ELOVL6: variants seen among roughly 807,000 people sequenced by gnomAD.
ELOVL6 encodes the protein ELOVL fatty acid elongase 6.
A neutral mutation model predicts 31.7 loss-of-function variants in ELOVL6; 8 were observed. That is an observed-to-expected ratio of 0.25 (90% CI 0.15 to 0.45). ELOVL6 has a LOEUF of 0.45. Ranked by LOEUF, ELOVL6 falls within the 20% of genes least tolerant of loss-of-function variation. ELOVL6 has a pLI of 1.00. For synonymous variants in ELOVL6, 101 were observed against 117.7 expected, an observed-to-expected ratio of 0.86 and a Z score of 0.92; for missense variants, 126 against 326.4, an observed-to-expected ratio of 0.39 and a Z score of 4.73.
At chr4:110,142,101 C>T (rs1210181278) in intron 1 of ELOVL6, among the ~76,000 whole-genome samples, 1 of 137,710 alleles carries the variant, frequency 7.3e-6, no homozygotes, top group Non-Finnish European at 1.5e-5. Context: ...GACGGAGTCT[C>T]GCTGTGTCAC....
intron 1 of ELOVL6, among the ~76,000 whole-genome samples, chr4:110,128,806 A>AAGACG (rs1757585295): frequency 6.6e-6 from 1 of 152,216 alleles, no homozygotes; most frequent in Admixed American, 6.5e-5. Flanking sequence ...AACATGCAAC[A>AAGACG]ATGTCAGTTT....
chr4:110,115,896 C>G (rs1757156162), intron 1 of ELOVL6, among the ~76,000 whole-genome samples: 1 of 152,174 alleles, frequency 6.6e-6, no homozygotes, highest in South Asian at 2.1e-4. Flanking sequence ...CTTGCCTTTT[C>G]CAACATCTAG....
chr4:110,130,099 T>C (rs1757626266), intron 1 of ELOVL6, among the ~76,000 whole-genome samples: 1 of 152,006 alleles, frequency 6.6e-6, no homozygotes, highest in Non-Finnish European at 1.5e-5. Flanking sequence ...GGTTTCACCA[T>C]GTTGGCCAGG....
intron 1 of ELOVL6, among the ~76,000 whole-genome samples, chr4:110,174,729 C>T (rs1330370396): frequency 6.6e-6 from 1 of 152,108 alleles, no homozygotes; most frequent in Non-Finnish European, 1.5e-5. Context: ...CTATAGAATA[C>T]ATGTAAAGCA....
chr4:110,160,526 T>C (rs535699620), intron 1 of ELOVL6, among the ~76,000 whole-genome samples: 2 of 152,322 alleles, frequency 1.3e-5, no homozygotes, highest in African/African-American at 2.4e-5. Flanking sequence ...TATCAGTAAA[T>C]AATTTGCATA....
At chr4:110,188,279 A>C (rs1759505680) in intron 1 of ELOVL6, among the ~76,000 whole-genome samples, 1 of 152,220 alleles carries the variant, frequency 6.6e-6, no homozygotes, top group Non-Finnish European at 1.5e-5. Flanking sequence ...GGATCCACCC[A>C]GTGAAAATTA....
At chr4:110,081,538 A>G (rs975776812) in intron 2 of ELOVL6, among the ~76,000 whole-genome samples, 1 of 152,026 alleles carries the variant, frequency 6.6e-6, no homozygotes, top group African/African-American at 2.4e-5. Flanking sequence ...CTGGCTAGTC[A>G]TATGTATAAA....
chr4:110,101,719 G>C (rs1756748087), intron 2 of ELOVL6, among the ~76,000 whole-genome samples: 1 of 152,100 alleles, frequency 6.6e-6, no homozygotes, highest in African/African-American at 2.4e-5. Context: ...TGCTACCCAG[G>C]TTTGAGTGCA....
chr4:110,193,037 A>G (rs1759668431), intron 1 of ELOVL6, among the ~76,000 whole-genome samples: 1 of 152,134 alleles, frequency 6.6e-6, no homozygotes, highest in Admixed American at 6.6e-5. Context: ...TTTTCCAGCC[A>G]TTTTTCTTAC....
At chr4:110,164,738 CAA>C (rs1287813192) in intron 1 of ELOVL6, among the ~76,000 whole-genome samples, 8 of 84,374 alleles carry the variant, frequency 9.5e-5, no homozygotes, top group Admixed American at 1.3e-4. Context: ...GACCCTGTCT[CAA>C]AAAAAAAAAA....
At chr4:110,155,455 T>C (rs1312385325) in intron 1 of ELOVL6, among the ~76,000 whole-genome samples, 1 of 152,142 alleles carries the variant, frequency 6.6e-6, no homozygotes, top group Non-Finnish European at 1.5e-5. Flanking sequence ...TTTCAATCTA[T>C]CAAAGATACT....
chr4:110,174,996 T>C (rs1001407330), intron 1 of ELOVL6, among the ~76,000 whole-genome samples: 11 of 151,970 alleles, frequency 7.2e-5, no homozygotes, highest in African/African-American at 1.4e-4. Context: ...GTAAATTCCA[T>C]GTATGTTATA....
rs961075219 is a variant in ELOVL6 at position 110,048,315 on chromosome 4, C to T, written c.*3023G>A. 2.0e-5 allele frequency: 3 copies of T among 152,214 alleles called. No individual in the cohort carries two copies. Among genetic ancestry groups the T allele is most frequent in the African/African-American group, 7.2e-5 (3 of 41,444 alleles). The allele number at this position is 152,214 out of a possible 1,614,324, so 9.4% of individuals were successfully genotyped here. ...TAAACCCCCTGCTTTATGAATAGAG[C>T]ATTTCTCACTAGAACTTCATTGCAA... On this transcript the variant is annotated 3_prime_UTR_variant, in exon 4 of 4. Coordinates refer to ENST00000302274, the MANE Select transcript of ELOVL6 (RefSeq NM_024090.3).
chr4:110,066,637 C>CAAAAAAA (rs1209180349), intron 2 of ELOVL6, among the ~76,000 whole-genome samples: 4 of 56,556 alleles, frequency 7.1e-5, no homozygotes, highest in Non-Finnish European at 1.2e-4. Flanking sequence ...TCTGTCTCAA[C>CAAAAAAA]AAAAAAAAAA....
intron 2 of ELOVL6, among the ~76,000 whole-genome samples, chr4:110,073,087 C>T (rs11737840): frequency 0.24 from 36,068 of 152,072 alleles, 4,441 homozygotes; most frequent in Non-Finnish European, 0.26. Context: ...TACTGATTTC[C>T]GTGCATTTCA....
chr4:110,051,731 C>T lies in ELOVL6; in HGVS notation c.405G>A (p.Gln135=), dbSNP rs906078405. Residue 135 remains glutamine, a synonymous_variant, in exon 4 of 4, where the codon CAG becomes CAA. Transcript: ENST00000302274. This position sits in a 1 kb window ranked among gnomAD's most constrained non-coding sequence, Gnocchi z 4.8. ...GATACCAGTGCAGGAAGATCAGCTT[C>T]TGCTTCCTCAGAATAATGAATATTG... ...GDTIFIILRK[Q]KLIFLHWYHH... 6 of 1,613,680 alleles carry T rather than the reference C, an allele frequency of 3.7e-6. No individual in the cohort carries two copies. In the African/African-American group the frequency reaches 5.3e-5, roughly 14 times the overall value.
chr4:110,066,403 G>A (rs865784678), intron 2 of ELOVL6, among the ~76,000 whole-genome samples: 163 of 152,024 alleles, frequency 1.1e-3, no homozygotes, highest in Middle Eastern at 3.4e-3. Flanking sequence ...TTGGGAGGCC[G>A]AGATGGGCGG....
Position 110,084,358 on chromosome 4 carries a change from A to AT in ELOVL6, c.221+21138_221+21139insA, listed in dbSNP as rs1560815014. ...ATCACATATATGATATATGATATAT[A>AT]CCGCATATATGATATATGATATATA... On this transcript the variant is annotated intron_variant, in intron 2 of 3. Transcript: ENST00000302274. Among the ~76,000 whole-genome samples the AT allele has an allele frequency of 1.9e-4, 20 of 103,220 alleles. 2 individuals are homozygous for AT. Among genetic ancestry groups the AT allele is most frequent in the Admixed American group, 6.3e-4 (6 of 9,594 alleles). 67.7% of individuals were successfully genotyped at this position (103,220 alleles called of 152,430 possible). A position where few individuals can be genotyped will look rare whatever the true frequency, so the allele number is the denominator to read the frequency against.
chr4:110,092,188 C>CT (rs947514290), intron 2 of ELOVL6, among the ~76,000 whole-genome samples: 5 of 152,132 alleles, frequency 3.3e-5, no homozygotes, highest in Non-Finnish European at 7.4e-5. Context: ...CAAGAGCTCC[C>CT]TATGTCATAT....
Sources: gnomAD v4.1 joint callset for allele counts (sites outside exome capture counted in the v4.1 genomes callset) on GRCh38, gnomAD v4.1.1 for gene constraint, Gnocchi (gnomAD v3.1) non-coding constraint, MANE v1.5 for transcripts, NCBI Gene and HGNC (gene_info 2026-07-23, HGNC 2026-07-21) for gene names.